DNAH12: variants seen among roughly 807,000 people sequenced by gnomAD.
DNAH12 encodes dynein axonemal heavy chain 12.
A neutral mutation model predicts 371.5 loss-of-function variants in DNAH12; 285 were observed. The observed-to-expected ratio is 0.77, with a 90% confidence interval of 0.70 to 0.85. The LOEUF is 0.85. Among genes scored for constraint, DNAH12 ranks in the 40% least tolerant of loss-of-function variants. The pLI, the probability that DNAH12 is intolerant of heterozygous loss-of-function variation, is 0.00. For missense variants in DNAH12, 3,611 were observed against 3,689.4 expected, an observed-to-expected ratio of 0.98 and a Z score of 0.55; for synonymous variants, 1,200 against 1,213.0, an observed-to-expected ratio of 0.99 and a Z score of 0.22.
rs1294889629 is a variant in DNAH12 at position 57,310,781 on chromosome 3, G to GT, written c.10831_10832insA (p.Ser3611TyrfsTer11). Reference sequence around the variant, plus strand: ...AGGTGCAAAATAGTTTCCACTGGGAGAAAACTTATAATGAGGGTTTTCAAC... The same window carrying GT: ...AGGTGCAAAATAGTTTCCACTGGGAGTAAAACTTATAATGAGGGTTTTCAAC... On this transcript the variant is annotated frameshift_variant, in exon 67 of 74. Transcript: ENST00000495027. LOFTEE classifies it high-confidence loss of function. 2 of 1,551,606 alleles carry GT rather than the reference G, an allele frequency of 1.3e-6. No homozygotes were observed. Among genetic ancestry groups the GT allele is most frequent in the Admixed American group, 3.9e-5 (2 of 51,008 alleles).
intron 11 of DNAH12, chr3:57,498,241 G>A (rs2067384128): frequency 4.7e-6 from 2 of 428,324 alleles, no homozygotes; most frequent in Non-Finnish European, 4.1e-6. Flanking sequence ...AGGTTGAAAA[G>A]GATGTGGAAG....
intron 25 of DNAH12, among the ~76,000 whole-genome samples, chr3:57,448,121 T>G (rs1038914452): frequency 3.3e-5 from 5 of 152,204 alleles, no homozygotes; most frequent in African/African-American, 1.2e-4. Context: ...CTAGTGTGTC[T>G]GGAATTGGTG....
chr3:57,478,011 G>T (rs948201764), intron 13 of DNAH12, among the ~76,000 whole-genome samples: 1 of 152,192 alleles, frequency 6.6e-6, no homozygotes, highest in African/African-American at 2.4e-5. Flanking sequence ...CTAAAAATCA[G>T]AGCGCCTCTC....
chr3:57,407,297 A>AAT (rs2064068360), intron 40 of DNAH12, among the ~76,000 whole-genome samples: 1 of 148,342 alleles, frequency 6.7e-6, no homozygotes, highest in African/African-American at 2.4e-5. Flanking sequence ...AAAAAAAAAA[A>AAT]GCCGGGGGTA....
rs969332682 is a variant in DNAH12 at position 57,437,160 on chromosome 3, TATC to T, written c.4546-103_4546-101del. 157 of 739,502 alleles carry T rather than the reference TATC, an allele frequency of 2.1e-4. 2 individuals are homozygous for T. The East Asian group carries it at 2.2e-3, about 11-fold the overall frequency. 45.8% of individuals were successfully genotyped at this position (739,502 alleles called of 1,614,324 possible). ...TTAAATTTACTAGTTAAAAAAAAAC[TATC>T]ATCATTGTTTATTATTTCTTAAAAC... On this transcript the variant is annotated intron_variant, in intron 29 of 73. Coordinates refer to ENST00000495027, the MANE Select transcript of DNAH12 (RefSeq NM_001366028.2).
intron 2 of DNAH12, among the ~76,000 whole-genome samples, chr3:57,534,919 A>C (rs1408275619): frequency 6.6e-6 from 1 of 152,180 alleles, no homozygotes; most frequent in Non-Finnish European, 1.5e-5. Context: ...ATGTTTACTT[A>C]TCTGGTTCCT....
Position 57,445,314 on chromosome 3 carries a change from T to G in DNAH12, c.4285A>C (p.Ile1429Leu). Residue 1429 changes from isoleucine to leucine, a missense_variant, in exon 28 of 74, where the codon ATA becomes CTA. By Grantham distance (5) the Ile-to-Leu change is conservative. Coordinates refer to ENST00000495027, the MANE Select transcript of DNAH12 (RefSeq NM_001366028.2). ...GAGCAAAGCCTATAGGTCATTACTA[T>G]TTTCACAGACAGAGGTCTTGCATTC... ...FLNARPLSVK[I>L]VMTYRLCSEQ... is the part of the protein sequence containing the mutation. The G allele has an allele frequency of 6.4e-7, 1 of 1,551,632 alleles. No individual in the cohort carries two copies. The highest frequency in any genetic ancestry group is 8.7e-7 in the Non-Finnish European group (1 of 1,146,970).
chr3:57,340,070 CAA>C (rs113037670), intron 60 of DNAH12, among the ~76,000 whole-genome samples: 5 of 128,796 alleles, frequency 3.9e-5, no homozygotes, highest in Non-Finnish European at 3.4e-5. Flanking sequence ...CACCCTGTTT[CAA>C]AAAAAAAAAA....
At chr3:57,365,211 G>A (rs1269655598) in intron 57 of DNAH12, among the ~76,000 whole-genome samples, 1 of 152,096 alleles carries the variant, frequency 6.6e-6, no homozygotes, top group Non-Finnish European at 1.5e-5. Flanking sequence ...ATCAACCTAA[G>A]TGTCCATCAA....
chr3:57,491,597 C>T (rs951639326), intron 11 of DNAH12, among the ~76,000 whole-genome samples: 2 of 152,032 alleles, frequency 1.3e-5, no homozygotes, highest in African/African-American at 4.8e-5. Context: ...AACTACTCCC[C>T]TGTCCTGTTT....
At chr3:57,418,838 T>A (rs2064475320) in intron 37 of DNAH12, among the ~76,000 whole-genome samples, 1 of 152,172 alleles carries the variant, frequency 6.6e-6, no homozygotes, top group South Asian at 2.1e-4. Flanking sequence ...AAAATAACTA[T>A]TAAATGTTAT....
intron 65 of DNAH12, among the ~76,000 whole-genome samples, chr3:57,315,904 CAG>C (rs2061674722): frequency 6.6e-6 from 1 of 152,052 alleles, no homozygotes; most frequent in Non-Finnish European, 1.5e-5. Flanking sequence ...GGAAAGAAAA[CAG>C]AAAGATGCAT....
intron 62 of DNAH12, among the ~76,000 whole-genome samples, chr3:57,325,531 A>T (rs953417112): frequency 3.9e-5 from 6 of 152,240 alleles, no homozygotes; most frequent in African/African-American, 9.6e-5. Flanking sequence ...CAGAAGGAAA[A>T]CTAAAACAGA....
At chr3:57,487,617 T>C (rs896156152) in intron 12 of DNAH12, among the ~76,000 whole-genome samples, 3 of 152,060 alleles carry the variant, frequency 2.0e-5, no homozygotes, top group Non-Finnish European at 4.4e-5. Flanking sequence ...AGCAAATTGC[T>C]CTTCAGTGAC....
rs963740015 is a variant in DNAH12 at position 57,301,727 on chromosome 3, C to G, written c.11394+8G>C. ...ACACACACACACACACACACACACACATTTTACCTGTAAAAAGTTCAACCG... is the reference window on the plus strand; with the variant it reads ...ACACACACACACACACACACACACAGATTTTACCTGTAAAAAGTTCAACCG... On this transcript the variant is annotated splice_region_variant and intron_variant, in intron 70 of 73. Coordinates refer to ENST00000495027, the MANE Select transcript of DNAH12 (RefSeq NM_001366028.2). 4.3e-6 allele frequency: 6 copies of G among 1,401,698 alleles called. No individual in the cohort carries two copies. The African/African-American group carries it at 9.0e-5, about 21-fold the overall frequency. 86.8% of individuals were successfully genotyped at this position (1,401,698 alleles called of 1,614,324 possible). A position where few individuals can be genotyped will look rare whatever the true frequency, so the allele number is the denominator to read the frequency against.
chr3:57,514,406 AAG>A (rs2068111246), intron 4 of DNAH12, among the ~76,000 whole-genome samples: 1 of 151,958 alleles, frequency 6.6e-6, no homozygotes, highest in Non-Finnish European at 1.5e-5. Flanking sequence ...AAAAAAAAAA[AAG>A]AAAAATAAAT....
At chr3:57,374,707 C>T (rs1312009778) in intron 55 of DNAH12, among the ~76,000 whole-genome samples, 1 of 151,826 alleles carries the variant, frequency 6.6e-6, no homozygotes, top group Non-Finnish European at 1.5e-5. Context: ...TGGAACTCAG[C>T]AACAAAAAAT....
chr3:57,293,873 T>C lies in DNAH12; in HGVS notation c.11791A>G (p.Asn3931Asp). The C allele has an allele frequency of 6.5e-7, 1 of 1,550,338 alleles. No homozygotes were observed. Among genetic ancestry groups the C allele is most frequent in the Non-Finnish European group, 8.7e-7 (1 of 1,146,362 alleles). The part of the protein sequence containing the change: ...GTLSTTGHST[N>D]FVIAMLLKTD... Reference sequence around the variant, plus strand: ...TTTAACAACATTGCAATGACAAAGTTAGTAGAATGTCCCGTAGTGGAAAGA... The same window carrying C: ...TTTAACAACATTGCAATGACAAAGTCAGTAGAATGTCCCGTAGTGGAAAGA... The change falls in exon 74 of 74, where the codon AAC (asparagine) becomes GAC (aspartate). Residue 3931 changes from asparagine to aspartate, a missense_variant. Physicochemically the swap from Asn to Asp is conservative, Grantham distance 23. Around this residue, in one of 3 missense-constraint regions of DNAH12, gnomAD observed 2,266 missense variants for 2,236.9 expected, o/e 1.01. Coordinates refer to ENST00000495027, the MANE Select transcript of DNAH12 (RefSeq NM_001366028.2).
chr3:57,506,900 C>T (rs897686639), intron 8 of DNAH12, among the ~76,000 whole-genome samples: 1 of 151,996 alleles, frequency 6.6e-6, no homozygotes, highest in Admixed American at 6.6e-5. Flanking sequence ...AGCAAACAAA[C>T]ATGGTTCTAA....
Sources: gnomAD v4.1 joint callset for allele counts (sites outside exome capture counted in the v4.1 genomes callset) on GRCh38, gnomAD v4.1.1 for gene constraint, gnomAD v4.1.1 regional missense constraint, MANE v1.5 for transcripts, NCBI Gene and HGNC (gene_info 2026-07-23, HGNC 2026-07-21) for gene names.